The following ADGRL4 variants were observed in gnomAD, a reference collection of about 807,000 sequenced individuals.
ADGRL4 encodes adhesion G protein-coupled receptor L4, also known as EGF, latrophilin and seven transmembrane domain containing 1.
A neutral mutation model predicts 74.8 loss-of-function variants in ADGRL4; 90 were observed. That is an observed-to-expected ratio of 1.20 (90% CI 1.02 to 1.43). The LOEUF (loss-of-function observed/expected upper bound fraction) is 1.43. Among genes scored for constraint, ADGRL4 ranks in the 40% most tolerant of loss-of-function variants. The probability of loss-of-function intolerance (pLI) is 0.00; values close to 1 mark genes in which losing one functional copy is unlikely to be tolerated. For missense variants in ADGRL4, 881 were observed against 814.3 expected, an observed-to-expected ratio of 1.08 and a Z score of -1.00; for synonymous variants, 311 against 279.2, an observed-to-expected ratio of 1.11 and a Z score of -1.14.
rs1228451387 is a variant in ADGRL4 at position 78,964,051 on chromosome 1, T to A, written c.173-17625A>T. Reference sequence around the variant, plus strand: ...CTGAACTGTGTGAAGACGATTTAACTAACAGTTCAGAACCTGGAAAAATAC... The same window carrying A: ...CTGAACTGTGTGAAGACGATTTAACAAACAGTTCAGAACCTGGAAAAATAC... On this transcript the variant is annotated intron_variant, in intron 2 of 14. Coordinates refer to ENST00000370742, the MANE Select transcript of ADGRL4 (RefSeq NM_022159.4). Among the ~76,000 whole-genome samples the A allele has an allele frequency of 3.3e-5, 5 of 152,266 alleles. No individual in the cohort carries two copies. In the East Asian group the frequency reaches 5.8e-4, roughly 18 times the overall value.
chr1:78,962,305 C>T (rs1649970682), intron 2 of ADGRL4, among the ~76,000 whole-genome samples: 1 of 152,156 alleles, frequency 6.6e-6, no homozygotes, highest in Non-Finnish European at 1.5e-5. Context: ...TGCGGACACT[C>T]CTACATATTT....
At chr1:78,962,196 A>G (rs938741664) in intron 2 of ADGRL4, among the ~76,000 whole-genome samples, 2 of 152,058 alleles carry the variant, frequency 1.3e-5, no homozygotes, top group African/African-American at 4.8e-5. Flanking sequence ...GGCTATAATT[A>G]AATCAACATT....
intron 2 of ADGRL4, among the ~76,000 whole-genome samples, chr1:78,953,902 A>G (rs953384522): frequency 6.6e-6 from 1 of 152,218 alleles, no homozygotes; most frequent in Non-Finnish European, 1.5e-5. Context: ...TAATCCCTGC[A>G]CGTTGGGAGG....
chr1:78,996,160 T>A (rs960817478), intron 2 of ADGRL4, among the ~76,000 whole-genome samples: 7 of 152,210 alleles, frequency 4.6e-5, no homozygotes, highest in African/African-American at 1.7e-4. Context: ...AAATGGGAAC[T>A]GAAGGGATTG....
At chr1:78,987,281 G>C (rs1029434367) in intron 2 of ADGRL4, among the ~76,000 whole-genome samples, 3 of 151,720 alleles carry the variant, frequency 2.0e-5, no homozygotes, top group Non-Finnish European at 4.4e-5. Flanking sequence ...ATGGGGAAAC[G>C]CACTCCAAAG....
intron 8 of ADGRL4, among the ~76,000 whole-genome samples, chr1:78,925,960 A>G (rs754788330): frequency 3.9e-5 from 6 of 152,074 alleles, no homozygotes; most frequent in Admixed American, 1.3e-4. Flanking sequence ...AGTCTTAAGC[A>G]ATTTCACACC....
At chr1:78,948,003 C>T (rs1341138888) in intron 2 of ADGRL4, among the ~76,000 whole-genome samples, 1 of 152,006 alleles carries the variant, frequency 6.6e-6, no homozygotes, top group African/African-American at 2.4e-5. Context: ...TTTATAGAAG[C>T]TCTAGGAGGT....
intron 2 of ADGRL4, among the ~76,000 whole-genome samples, chr1:78,959,546 C>A (rs557165481): frequency 8.5e-5 from 13 of 152,244 alleles, no homozygotes; most frequent in Admixed American, 2.0e-4. Flanking sequence ...TCCAGTCTGA[C>A]CTGTGTGTGT....
At chr1:78,999,445 C>T (rs910662435) in intron 2 of ADGRL4, among the ~76,000 whole-genome samples, 3 of 152,196 alleles carry the variant, frequency 2.0e-5, no homozygotes, top group South Asian at 4.2e-4. Context: ...TCGTGGCAGG[C>T]GCCTGTAGTC....
At position 78,981,415 on chromosome 1, in the gene ADGRL4, C is replaced by A. The variant is rs74093952; in HGVS notation, c.172+23655G>T. Among the ~76,000 whole-genome samples, 995 of 151,878 alleles carry A rather than the reference C, an allele frequency of 6.6e-3. 14 individuals carry two copies. The highest frequency in any genetic ancestry group is 0.023 in the African/African-American group (971 of 41,454). ...CAAATTATTTTGTGCCATTTTATTC[C>A]AGAACTGATTCAGATATAAAGTTAT... is the stretch of plus-strand genomic sequence containing the variant. On this transcript the variant is annotated intron_variant, in intron 2 of 14. Coordinates refer to ENST00000370742, the MANE Select transcript of ADGRL4 (RefSeq NM_022159.4).
rs1041082734 is a variant in ADGRL4 at position 78,983,266 on chromosome 1, T to G, written c.172+21804A>C. Among the ~76,000 whole-genome samples the G allele has an allele frequency of 7.2e-5, 11 of 151,742 alleles. No individual in the cohort carries two copies. The Admixed American group carries it at 7.3e-4, about 10-fold the overall frequency. On this transcript the variant is annotated intron_variant, in intron 2 of 14. Transcript: ENST00000370742. ...ATGCCCAAAACATCATCAGTGAGAATCAGCAGAAAGAACAAATAGCAGATT... is the reference window on the plus strand; with the variant it reads ...ATGCCCAAAACATCATCAGTGAGAAGCAGCAGAAAGAACAAATAGCAGATT...
chr1:78,992,658 T>C (rs1650630442), intron 2 of ADGRL4, among the ~76,000 whole-genome samples: 1 of 152,096 alleles, frequency 6.6e-6, no homozygotes, highest in South Asian at 2.1e-4. Flanking sequence ...TCAATGGCAA[T>C]GGACCAAATA....
chr1:78,899,126 T>G (rs971255846), intron 12 of ADGRL4, among the ~76,000 whole-genome samples: 11 of 152,188 alleles, frequency 7.2e-5, no homozygotes, highest in African/African-American at 2.7e-4. Context: ...GACCCATGCT[T>G]AAATTTTTCA....
At chr1:78,939,120 G>T in intron 4 of ADGRL4, 68 bp downstream of exon 4, 1 of 1,449,364 alleles carries the variant, frequency 6.9e-7, no homozygotes, top group South Asian at 1.4e-5. Flanking sequence ...TGAAATGTGT[G>T]ACATTGAAAG....
intron 2 of ADGRL4, among the ~76,000 whole-genome samples, chr1:78,983,264 A>G (rs530707367): frequency 7.9e-5 from 12 of 151,990 alleles, no homozygotes; most frequent in African/African-American, 2.9e-4. Context: ...CATCAGTGAG[A>G]ATCAGCAGAA....
intron 2 of ADGRL4, among the ~76,000 whole-genome samples, chr1:79,000,710 A>G (rs1650823395): frequency 6.6e-6 from 1 of 152,190 alleles, no homozygotes; most frequent in Non-Finnish European, 1.5e-5. Context: ...TTGGCAAGAT[A>G]TTTTATTTAT....
At chr1:78,960,550 A>C (rs1649929301) in intron 2 of ADGRL4, among the ~76,000 whole-genome samples, 1 of 152,178 alleles carries the variant, frequency 6.6e-6, no homozygotes, top group Admixed American at 6.6e-5. Context: ...AGTTACGAGG[A>C]AATTGGATAT....
chr1:78,999,559 C>T (rs995571480), intron 2 of ADGRL4, among the ~76,000 whole-genome samples: 1 of 151,876 alleles, frequency 6.6e-6, no homozygotes, highest in Non-Finnish European at 1.5e-5. Context: ...GGCGACAGAG[C>T]GAGACTCCGT....
chr1:78,934,745 G>A (rs1042891648), intron 7 of ADGRL4, among the ~76,000 whole-genome samples: 3 of 152,038 alleles, frequency 2.0e-5, no homozygotes, highest in African/African-American at 7.2e-5. Flanking sequence ...GTGGGCAAAG[G>A]ATATGGACAG....
Sources: allele counts gnomAD v4.1 joint callset (sites outside exome capture counted in the v4.1 genomes callset), GRCh38; gene constraint gnomAD v4.1.1; transcripts MANE v1.5; gene names NCBI Gene and HGNC (gene_info 2026-07-23, HGNC 2026-07-21).